Variants in FBXL13 observed in about 807,000 individuals in gnomAD.
FBXL13 encodes F-box and leucine-rich repeat protein 13.
FBXL13 carries 67 observed loss-of-function variants against 83.6 expected under a neutral mutation model. The ratio of observed to expected loss-of-function variants is 0.80; its 90% confidence interval spans 0.66 to 0.98. The LOEUF (loss-of-function observed/expected upper bound fraction) is 0.98, where lower values mean the gene tolerates loss of function less well. FBXL13 is among the 50% of genes least tolerant of loss of function. The pLI is 0.00. For synonymous variants in FBXL13, 272 were observed against 299.5 expected (o/e 0.91, Z 0.95); for missense variants, 822 against 866.5 (o/e 0.95, Z 0.64).
At chr7:103,048,237 G>A (rs1259953145) in intron 2 of FBXL13, among the ~76,000 whole-genome samples, 3 of 151,806 alleles carry the variant, frequency 2.0e-5, no homozygotes, top group African/African-American at 7.3e-5. Flanking sequence ...TATATATAAA[G>A]TTTTAAAACA....
chr7:102,837,577 A>G (rs1404984842), intron 17 of FBXL13, among the ~76,000 whole-genome samples: 1 of 152,166 alleles, frequency 6.6e-6, no homozygotes, highest in Non-Finnish European at 1.5e-5. Context: ...TTTCTTTTTG[A>G]CAGGGTCCTG....
At chr7:103,014,083 G>A (rs563968846) in intron 6 of FBXL13, among the ~76,000 whole-genome samples, 4 of 152,238 alleles carry the variant, frequency 2.6e-5, no homozygotes, top group Admixed American at 2.6e-4. Context: ...AAGATTGAAC[G>A]AGGAAGAGAT....
At chr7:103,040,812 G>A (rs1465299902) in intron 2 of FBXL13, among the ~76,000 whole-genome samples, 2 of 152,270 alleles carry the variant, frequency 1.3e-5, no homozygotes, top group East Asian at 3.9e-4. Context: ...CAGAATCTCT[G>A]GGACATATTT....
intron 8 of FBXL13, chr7:102,939,377 A>T (rs1476267522): frequency 1.7e-5 from 25 of 1,484,248 alleles, no homozygotes; most frequent in Non-Finnish European, 1.8e-6. Flanking sequence ...ACGGTGACCG[A>T]GGAAATGGGG....
At chr7:102,895,662 C>T (rs567794373) in intron 11 of FBXL13, among the ~76,000 whole-genome samples, 1 of 151,938 alleles carries the variant, frequency 6.6e-6, no homozygotes, top group Non-Finnish European at 1.5e-5. Context: ...GGGAAAGTGG[C>T]TACCCCATGA....
chr7:103,018,848 GA>G (rs1051623171), intron 6 of FBXL13, among the ~76,000 whole-genome samples: 15 of 152,142 alleles, frequency 9.9e-5, no homozygotes, highest in African/African-American at 3.6e-4. Context: ...GACCTACAAA[GA>G]GACTTAGACT....
intron 2 of FBXL13, among the ~76,000 whole-genome samples, chr7:103,054,861 G>T (rs1337183635): frequency 6.6e-6 from 1 of 152,024 alleles, no homozygotes; most frequent in African/African-American, 2.4e-5. Flanking sequence ...TTTTATAAGA[G>T]AAGGAACAAA....
At chr7:102,846,863 T>C (rs1804075006) in intron 17 of FBXL13, among the ~76,000 whole-genome samples, 1 of 152,202 alleles carries the variant, frequency 6.6e-6, no homozygotes, top group Non-Finnish European at 1.5e-5. Flanking sequence ...CATTTGCTTA[T>C]GACAGCCACA....
At chr7:102,959,907 A>T (rs900525860) in intron 8 of FBXL13, among the ~76,000 whole-genome samples, 11 of 152,120 alleles carry the variant, frequency 7.2e-5, no homozygotes, top group African/African-American at 2.7e-4. Context: ...ATATGCACTG[A>T]CATGGAAAGA....
At chr7:102,895,477 C>T (rs1476160719) in intron 11 of FBXL13, among the ~76,000 whole-genome samples, 2 of 152,168 alleles carry the variant, frequency 1.3e-5, no homozygotes, top group Non-Finnish European at 2.9e-5. Flanking sequence ...ACTTTTCATC[C>T]AGCTTCTTCT....
At chr7:102,976,009 C>G (rs759578798) in intron 6 of FBXL13, 8 of 766,322 alleles carry the variant, frequency 1.0e-5, no homozygotes, top group South Asian at 8.0e-5. Context: ...TGCCCAAACC[C>G]AGGTAAACCC....
intron 19 of FBXL13, among the ~76,000 whole-genome samples, chr7:102,819,067 C>T (rs555885456): frequency 6.6e-5 from 10 of 152,214 alleles, no homozygotes; most frequent in Middle Eastern, 3.4e-3. Flanking sequence ...GTTTTCTGTT[C>T]TTGGATTAGC....
intron 6 of FBXL13, among the ~76,000 whole-genome samples, chr7:103,021,848 G>A (rs147522066): frequency 1.2e-3 from 176 of 152,296 alleles, no homozygotes; most frequent in African/African-American, 4.1e-3. Context: ...TGGAGAGGAT[G>A]TGGAGAAATA....
intron 1 of FBXL13, among the ~76,000 whole-genome samples, chr7:103,072,155 A>C (rs139658730): frequency 0.011 from 1,647 of 151,654 alleles, 35 homozygotes; most frequent in African/African-American, 0.038. Flanking sequence ...TGCACTCTAG[A>C]CTGGGCGACA....
intron 16 of FBXL13, among the ~76,000 whole-genome samples, chr7:102,867,702 T>C (rs1207390220): frequency 9.9e-6 from 1 of 100,748 alleles, no homozygotes; most frequent in African/African-American, 4.0e-5. Context: ...TATATTTTTT[T>C]TTTTTTTTTT....
intron 8 of FBXL13, among the ~76,000 whole-genome samples, chr7:102,948,256 G>A (rs1017876728): frequency 2.6e-5 from 4 of 151,766 alleles, no homozygotes; most frequent in South Asian, 2.1e-4. Flanking sequence ...TAGAGACAGA[G>A]TTTCACCATG....
At chr7:102,857,143 CA>C (rs1289623762) in intron 16 of FBXL13, among the ~76,000 whole-genome samples, 9 of 152,108 alleles carry the variant, frequency 5.9e-5, no homozygotes, top group African/African-American at 2.2e-4. Flanking sequence ...TAGAAGAAAA[CA>C]GGGGGAATGC....
At chr7:103,074,772 G>A, upstream of FBXL13, 1 of 1,289,472 alleles carries the variant, frequency 7.8e-7, no homozygotes, top group Non-Finnish European at 1.0e-6. Context: ...CGAGGCCATG[G>A]CCCAAGGCCT....
At chr7:102,860,150 T>C (rs1806594769) in intron 16 of FBXL13, among the ~76,000 whole-genome samples, 1 of 152,178 alleles carries the variant, frequency 6.6e-6, no homozygotes, top group African/African-American at 2.4e-5. Context: ...CTTCATCCTA[T>C]GCAACAGAAT....
Sources: gnomAD v4.1 joint callset for allele counts (sites outside exome capture counted in the v4.1 genomes callset) on GRCh38, gnomAD v4.1.1 for gene constraint, MANE v1.5 for transcripts, NCBI Gene and HGNC (gene_info 2026-07-23, HGNC 2026-07-21) for gene names.